STX8: variants seen among roughly 807,000 people sequenced by gnomAD.
STX8 encodes syntaxin-8.
A neutral mutation model predicts 37.5 loss-of-function variants in STX8; 23 were observed. That is an observed-to-expected ratio of 0.61 (90% CI 0.44 to 0.87). The LOEUF (loss-of-function observed/expected upper bound fraction) is 0.87. Among genes scored for constraint, STX8 ranks in the 40% least tolerant of loss-of-function variants. The pLI is 0.00. For synonymous variants in STX8, 115 were observed against 99.1 expected (o/e 1.16, Z -0.95); for missense variants, 313 against 284.7 (o/e 1.10, Z -0.71).
chr17:9,563,308 G>A (rs567524630), intron 2 of STX8, among the ~76,000 whole-genome samples: 2 of 151,706 alleles, frequency 1.3e-5, no homozygotes, highest in African/African-American at 2.4e-5. Flanking sequence ...TCAGCCTCCC[G>A]AGTAGCTGGG....
chr17:9,471,031 CTTTT>C (rs757411419), intron 6 of STX8, among the ~76,000 whole-genome samples: 11 of 33,054 alleles, frequency 3.3e-4, no homozygotes, highest in Admixed American at 1.4e-3. Context: ...CTGCATCCTG[CTTTT>C]TTTTTTTTTT....
At position 9,491,783 on chromosome 17, in the gene STX8, T is replaced by C. The variant is rs564378109; in HGVS notation, c.541+46A>G. ...ATTCAACAAATGCTCAAGCCTTTAGTATTTATGTCAACGGCAAATCTGGTC... is the reference window on the plus strand; with the variant it reads ...ATTCAACAAATGCTCAAGCCTTTAGCATTTATGTCAACGGCAAATCTGGTC... On this transcript the variant is annotated intron_variant, in intron 6 of 7. Coordinates refer to ENST00000306357, the MANE Select transcript of STX8 (RefSeq NM_004853.3). 6.0e-6 allele frequency: 9 copies of C among 1,489,908 alleles called. No individual in the cohort carries two copies. The East Asian group carries it at 1.1e-4, about 19-fold the overall frequency. The allele number at this position is 1,489,908 out of a possible 1,614,324, so 92.3% of individuals were successfully genotyped here. A position where few individuals can be genotyped will look rare whatever the true frequency, so the allele number is the denominator to read the frequency against.
At chr17:9,327,241 A>AGGAGGAAG (rs1567784954) in intron 7 of STX8, among the ~76,000 whole-genome samples, 48 of 146,354 alleles carry the variant, frequency 3.3e-4, no homozygotes, top group African/African-American at 1.2e-3. Flanking sequence ...GAAGGAGGAC[A>AGGAGGAAG]GAGGAGGAAG....
At chr17:9,413,532 A>T (rs1567549398) in intron 6 of STX8, among the ~76,000 whole-genome samples, 1 of 152,182 alleles carries the variant, frequency 6.6e-6, no homozygotes, top group Non-Finnish European at 1.5e-5. Flanking sequence ...TTGTAATTGC[A>T]CAGATAGGAG....
At chr17:9,341,540 G>A (rs1471841460) in intron 7 of STX8, among the ~76,000 whole-genome samples, 9 of 152,096 alleles carry the variant, frequency 5.9e-5, no homozygotes, top group Admixed American at 3.9e-4. Flanking sequence ...GGGTTCAAGC[G>A]ATTCTCCTGC....
intron 3 of STX8, among the ~76,000 whole-genome samples, chr17:9,550,690 C>G (rs1213218191): frequency 6.6e-6 from 1 of 152,194 alleles, no homozygotes; most frequent in Non-Finnish European, 1.5e-5. Flanking sequence ...GCATTTGAAC[C>G]ACAGATGGAG....
At position 9,436,641 on chromosome 17, in the gene STX8, GAAGAGCTGGCTGAAAACATCTGA is replaced by G. The variant is rs371994501; in HGVS notation, c.541+55165_541+55187del. Reference sequence around the variant, plus strand: ...CGATCAACATAACATGGTGGATGATGAAGAGCTGGCTGAAAACATCTGAAAGAGCTGGCTGAAAACATCTGAAA... The same window carrying G: ...CGATCAACATAACATGGTGGATGATGAAGAGCTGGCTGAAAACATCTGAAA... On this transcript the variant is annotated intron_variant, in intron 6 of 7. Transcript: ENST00000306357. 3.4e-3 allele frequency among the ~76,000 whole-genome samples: 520 copies of G among 152,302 alleles called. 4 individuals are homozygous for G. Among genetic ancestry groups the G allele is most frequent in the African/African-American group, 0.01 (420 of 41,544 alleles).
chr17:9,545,590 CT>C (rs1195434855), intron 3 of STX8, among the ~76,000 whole-genome samples: 1 of 152,018 alleles, frequency 6.6e-6, no homozygotes, highest in East Asian at 1.9e-4. Context: ...AACTTATTTA[CT>C]TATTTTTGAG....
chr17:9,545,253 T>C lies in STX8; in HGVS notation c.242A>G (p.Asn81Ser). 6.2e-7 allele frequency: 1 copy of C among 1,613,948 alleles called. No individual in the cohort carries two copies. Among genetic ancestry groups the C allele is most frequent in the Non-Finnish European group, 8.5e-7 (1 of 1,179,962 alleles). Reference protein sequence around the residue: ...ITQLEGDRRQNLLDDLVTRER... With the variant: ...ITQLEGDRRQSLLDDLVTRER... ...TCGAGTTACAAGATCATCCAAGAGG[T>C]TCTGTCTTCGGTCCCCTTCAAGCTG... Residue 81 changes from asparagine to serine, a missense_variant, in exon 4 of 8, where the codon AAC (asparagine) becomes AGC (serine). Coordinates refer to ENST00000306357, the MANE Select transcript of STX8 (RefSeq NM_004853.3).
At chr17:9,364,538 A>T (rs1397394528) in intron 7 of STX8, among the ~76,000 whole-genome samples, 2 of 151,268 alleles carry the variant, frequency 1.3e-5, no homozygotes, top group African/African-American at 2.4e-5. Flanking sequence ...TGTTGTTTAT[A>T]TTTTTTTTTG....
At position 9,326,743 on chromosome 17, in the gene STX8, T is replaced by C. The variant is rs149802464; in HGVS notation, c.643+51809A>G. ...AGACTGCATGGGTGGAAAGGCACAA[T>C]ATCTTTCCTCACCCATTAGCAGGGT... On this transcript the variant is annotated intron_variant, in intron 7 of 7. Coordinates refer to ENST00000306357, the MANE Select transcript of STX8 (RefSeq NM_004853.3). 2.6e-5 allele frequency among the ~76,000 whole-genome samples: 4 copies of C among 152,284 alleles called. No individual in the cohort carries two copies. In the East Asian group the frequency reaches 7.7e-4, roughly 29 times the overall value.
intron 7 of STX8, among the ~76,000 whole-genome samples, chr17:9,368,100 G>A (rs533315530): frequency 6.6e-6 from 1 of 152,018 alleles, no homozygotes; most frequent in African/African-American, 2.4e-5. Context: ...AAGATGACTG[G>A]GAGTAATAAA....
chr17:9,317,435 C>T (rs1405894159), intron 7 of STX8, among the ~76,000 whole-genome samples: 1 of 152,108 alleles, frequency 6.6e-6, no homozygotes, highest in Non-Finnish European at 1.5e-5. Flanking sequence ...GTGATAAAAC[C>T]GCGCCAGGCA....
rs199890708 is a variant in STX8, at chr17:9,388,814, A to G, written c.542-10161T>C. 3.8e-3 allele frequency among the ~76,000 whole-genome samples: 271 copies of G among 72,222 alleles called. 2 individuals carry two copies. The highest frequency in any genetic ancestry group is 0.018 in the African/African-American group (236 of 13,122). 47.4% of individuals were successfully genotyped at this position (72,222 alleles called of 152,430 possible). On this transcript the variant is annotated intron_variant, in intron 6 of 7. Transcript: ENST00000306357. ...GCAAAACTCTGTCTCAAAAAAAAGA[A>G]AAAAAAAAAAAAAAACCATACATTT... is the stretch of plus-strand genomic sequence containing the variant.
At chr17:9,273,222 C>G (rs926031953) in intron 7 of STX8, 1 of 152,210 alleles carries the variant, frequency 6.6e-6, no homozygotes, top group Non-Finnish European at 1.5e-5. Context: ...ACAAACTTAC[C>G]TCTCTGGGGT....
chr17:9,340,167 C>A (rs1408780222), intron 7 of STX8, among the ~76,000 whole-genome samples: 4 of 152,228 alleles, frequency 2.6e-5, no homozygotes, highest in African/African-American at 7.2e-5. Context: ...TCTCCAAACA[C>A]CTGCCGAGGC....
intron 6 of STX8, among the ~76,000 whole-genome samples, chr17:9,390,367 C>T (rs1912170189): frequency 6.6e-6 from 1 of 151,504 alleles, no homozygotes; most frequent in Non-Finnish European, 1.5e-5. Context: ...ACTAAATATA[C>T]AAAAATTACC....
chr17:9,333,850 A>G lies in STX8; in HGVS notation c.643+44702T>C, dbSNP rs190413396. On this transcript the variant is annotated intron_variant, in intron 7 of 7. Transcript: ENST00000306357. ...CTGCTCAATGGGTTCACCTTACCCA[A>G]TTTGTAACTGCCCAGTGGGTTCACC... is the stretch of plus-strand genomic sequence containing the variant. Among the ~76,000 whole-genome samples, 6 of 152,214 alleles carry G rather than the reference A, an allele frequency of 3.9e-5. No individual in the cohort carries two copies. The East Asian group carries it at 7.7e-4, about 20-fold the overall frequency.
At chr17:9,485,767 G>A (rs1245682476) in intron 6 of STX8, among the ~76,000 whole-genome samples, 2 of 151,962 alleles carry the variant, frequency 1.3e-5, no homozygotes, top group Admixed American at 6.6e-5. Context: ...TTTATTTTTA[G>A]TAGAGACGGG....
Sources: gnomAD v4.1 joint callset for allele counts (sites outside exome capture counted in the v4.1 genomes callset) on GRCh38, gnomAD v4.1.1 for gene constraint, MANE v1.5 for transcripts, NCBI Gene and HGNC (gene_info 2026-07-23, HGNC 2026-07-21) for gene names.